Variants in MIPOL1 observed in about 807,000 individuals in gnomAD.
MIPOL1 encodes the protein mirror-image polydactyly 1.
A neutral mutation model predicts 60.9 loss-of-function variants in MIPOL1; 57 were observed. The ratio of observed to expected loss-of-function variants is 0.94; its 90% CI spans 0.76 to 1.17. The LOEUF is 1.17. Ranked by LOEUF, MIPOL1 falls within the 50% of genes most tolerant of loss-of-function variation. The probability of loss-of-function intolerance (pLI) is 0.00; values close to 1 mark genes in which losing one functional copy is unlikely to be tolerated. For missense variants in MIPOL1, 551 were observed against 511.6 expected (o/e 1.08, Z -0.74); for synonymous variants, 179 against 168.8 (o/e 1.06, Z -0.47).
intron 3 of MIPOL1, among the ~76,000 whole-genome samples, chr14:37,258,064 C>T (rs564506419): frequency 6.6e-6 from 1 of 152,202 alleles, no homozygotes; most frequent in South Asian, 2.1e-4. Flanking sequence ...CAAGACTTAC[C>T]TATACTTCAA....
At position 37,270,457 on chromosome 14, in the gene MIPOL1, G is replaced by A. The variant is rs982578742; in HGVS notation, c.425G>A (p.Arg142Lys). 3.1e-6 allele frequency: 5 copies of A among 1,597,374 alleles called. No individual in the cohort carries two copies. The African/African-American group carries it at 5.4e-5, about 17-fold the overall frequency. ...TTGGCTAAAGAAGATAAAGAACAGA[G>A]AAAACTAAAGTTTAAGCTGGAACTC... ...QKLAKEDKEQRKLKFKLELQE... is the reference protein window; with the variant it reads ...QKLAKEDKEQKKLKFKLELQE... Residue 142 changes from arginine to lysine, a missense_variant, in exon 6 of 13, where the codon AGA becomes AAA. Coordinates refer to ENST00000684589, the MANE Select transcript of MIPOL1 (RefSeq NM_001388067.1).
chr14:37,360,184 C>T (rs10132634), intron 9 of MIPOL1, among the ~76,000 whole-genome samples: 147,522 of 152,274 alleles, frequency 0.97, 71,534 homozygotes, highest in East Asian at 1. Context: ...TTGATCTTGG[C>T]GGATAAGCTT....
chr14:37,463,729 A>G (rs1333687135), intron 11 of MIPOL1, among the ~76,000 whole-genome samples: 2 of 152,224 alleles, frequency 1.3e-5, no homozygotes, highest in African/African-American at 4.8e-5. Flanking sequence ...CCTCAAAAGC[A>G]AATGTGACAA....
chr14:37,387,856 A>G (rs568991998), intron 10 of MIPOL1, among the ~76,000 whole-genome samples: 2 of 151,970 alleles, frequency 1.3e-5, no homozygotes, highest in African/African-American at 4.8e-5. Flanking sequence ...TTTCCTATGT[A>G]ATTCTAAAGA....
At chr14:37,327,744 G>C (rs1458013948) in intron 9 of MIPOL1, among the ~76,000 whole-genome samples, 1 of 152,124 alleles carries the variant, frequency 6.6e-6, no homozygotes. Context: ...AGATGGTCTA[G>C]CACAGACAAA....
At chr14:37,399,582 C>G (rs1409300726) in intron 10 of MIPOL1, among the ~76,000 whole-genome samples, 1 of 152,086 alleles carries the variant, frequency 6.6e-6, no homozygotes. Flanking sequence ...AACTAGCACT[C>G]TTTTGATACA....
At chr14:37,361,768 CA>C (rs2153485900) in intron 9 of MIPOL1, among the ~76,000 whole-genome samples, 1 of 151,922 alleles carries the variant, frequency 6.6e-6, no homozygotes, top group East Asian at 1.9e-4. Flanking sequence ...CCCCCATGCC[CA>C]GCTAATTTTT....
chr14:37,422,363 C>T (rs1198917574), intron 10 of MIPOL1, among the ~76,000 whole-genome samples: 4 of 151,612 alleles, frequency 2.6e-5, no homozygotes, highest in Admixed American at 1.3e-4. Flanking sequence ...CAGTCTGTAG[C>T]CTGCTGTATT....
chr14:37,325,324 AC>A (rs2089039480), intron 9 of MIPOL1, among the ~76,000 whole-genome samples: 1 of 152,122 alleles, frequency 6.6e-6, no homozygotes, highest in African/African-American at 2.4e-5. Flanking sequence ...TTCAAATAAA[AC>A]AATTTCCTTC....
intron 1 of MIPOL1, among the ~76,000 whole-genome samples, chr14:37,199,404 A>C (rs1004882853): frequency 9.2e-5 from 14 of 152,188 alleles, no homozygotes; most frequent in Non-Finnish European, 1.9e-4. Flanking sequence ...AGATTTATTC[A>C]AGTTATGTAG....
chr14:37,316,011 T>C (rs77102705), intron 9 of MIPOL1, among the ~76,000 whole-genome samples: 1 of 131,494 alleles, frequency 7.6e-6, no homozygotes, highest in East Asian at 2.4e-4. Flanking sequence ...AAATTGTTTC[T>C]GTTTATTTAT....
chr14:37,201,323 T>C (rs550996904), intron 1 of MIPOL1, among the ~76,000 whole-genome samples: 2 of 152,258 alleles, frequency 1.3e-5, no homozygotes, highest in Non-Finnish European at 2.9e-5. Context: ...TTGATTCTTG[T>C]CTGAATTGTT....
chr14:37,439,320 A>G (rs1450340458), intron 11 of MIPOL1, among the ~76,000 whole-genome samples: 1 of 152,190 alleles, frequency 6.6e-6, no homozygotes, highest in Non-Finnish European at 1.5e-5. Context: ...AGGGCATTCT[A>G]GCCTGGAAGA....
chr14:37,350,757 C>A (rs1441758940), intron 9 of MIPOL1, among the ~76,000 whole-genome samples: 2 of 152,124 alleles, frequency 1.3e-5, no homozygotes, highest in African/African-American at 4.8e-5. Flanking sequence ...TGGTAGCCAT[C>A]CTTCTAATCC....
intron 10 of MIPOL1, among the ~76,000 whole-genome samples, chr14:37,416,425 A>G (rs764194454): frequency 2.4e-4 from 36 of 152,282 alleles, no homozygotes; most frequent in Non-Finnish European, 5.1e-4. Context: ...CCTAGGTAGT[A>G]TAGCCTACTA....
intron 3 of MIPOL1, among the ~76,000 whole-genome samples, chr14:37,252,602 A>G (rs1019621785): frequency 3.3e-5 from 5 of 151,836 alleles, no homozygotes; most frequent in Admixed American, 1.3e-4. Context: ...AATAATGTTT[A>G]TTTGTCCTTG....
At chr14:37,339,521 T>C (rs2090422631) in intron 9 of MIPOL1, among the ~76,000 whole-genome samples, 1 of 152,166 alleles carries the variant, frequency 6.6e-6, no homozygotes, top group South Asian at 2.1e-4. Context: ...TAGGAGCTGA[T>C]TTATAATATT....
At chr14:37,494,943 G>A (rs2095098438) in intron 11 of MIPOL1, among the ~76,000 whole-genome samples, 2 of 151,900 alleles carry the variant, frequency 1.3e-5, no homozygotes, top group African/African-American at 4.8e-5. Flanking sequence ...ATCCAAACAT[G>A]TCCATCTGAG....
At chr14:37,356,103 GT>G (rs1440743358) in intron 9 of MIPOL1, among the ~76,000 whole-genome samples, 1 of 150,082 alleles carries the variant, frequency 6.7e-6, no homozygotes, top group Non-Finnish European at 1.5e-5. Context: ...TGTCCTTTCT[GT>G]TTGTTAGTTT....
Sources: allele counts gnomAD v4.1 joint callset (sites outside exome capture counted in the v4.1 genomes callset), GRCh38; gene constraint gnomAD v4.1.1; transcripts MANE v1.5; gene names NCBI Gene and HGNC (gene_info 2026-07-23, HGNC 2026-07-21).